The following TMEM183A variants were observed in gnomAD, a reference collection of about 807,000 sequenced individuals.
TMEM183A encodes transmembrane protein 183A.
In TMEM183A, 21 loss-of-function variants were observed where a neutral mutation model predicts 46.7. The observed-to-expected ratio is 0.45, with a 90% CI of 0.32 to 0.65. The LOEUF (loss-of-function observed/expected upper bound fraction) is 0.65. TMEM183A is among the 30% of genes least tolerant of loss of function. TMEM183A has a pLI of 0.04. For synonymous variants in TMEM183A, 165 were observed against 180.2 expected (o/e 0.92, Z 0.68); for missense variants, 331 against 481.9 (o/e 0.69, Z 2.93).
At chr1:203,009,709 C>G (rs1656363757) in intron 3 of TMEM183A, among the ~76,000 whole-genome samples, 1 of 152,090 alleles carries the variant, frequency 6.6e-6, no homozygotes, top group African/African-American at 2.4e-5. Flanking sequence ...GATTTGAGCT[C>G]CTGGGCTCAA....
rs56743654 is a variant in TMEM183A at position 203,012,235 on chromosome 1, TCACACACA to T, written c.368-2618_368-2611del. Among the ~76,000 whole-genome samples the T allele has an allele frequency of 3.8e-3, 308 of 80,824 alleles. 3 individuals are homozygous for T. The highest frequency in any genetic ancestry group is 0.03 in the South Asian group (61 of 2,024). The allele number at this position is 80,824 out of a possible 152,430, so 53.0% of individuals were successfully genotyped here. On this transcript the variant is annotated intron_variant, in intron 3 of 7. Transcript: ENST00000367242. ...ACTTCAACCATTACTCCCCACTCCA[TCACACACA>T]CACACACACACACACACACACACAC...
intron 3 of TMEM183A, among the ~76,000 whole-genome samples, chr1:203,009,175 T>G (rs1656304340): frequency 6.6e-6 from 1 of 152,258 alleles, no homozygotes. Flanking sequence ...GAAGCAGAGA[T>G]GTAACCAAAA....
chr1:203,016,279 C>A, intron 5 of TMEM183A, 139 bp downstream of exon 5: 1 of 1,233,856 alleles, frequency 8.1e-7, no homozygotes, highest in Non-Finnish European at 1.1e-6. Flanking sequence ...CTTCAGGGCT[C>A]AGAGATTTCA....
chr1:203,007,618 C>T (rs1296420309), intron 1 of TMEM183A, 44 bp downstream of exon 1: 3 of 1,528,232 alleles, frequency 2.0e-6, no homozygotes, highest in Admixed American at 3.9e-5. Context: ...TGGGGGCTGG[C>T]GGCTGGGAGG....
chr1:203,015,156 A>G (rs927593763), intron 4 of TMEM183A, 108 bp downstream of exon 4: 9 of 1,476,772 alleles, frequency 6.1e-6, no homozygotes, highest in Non-Finnish European at 8.2e-6. Context: ...TCTCTACTCC[A>G]TGTCTGGGCA....
chr1:203,007,398 T>C lies in TMEM183A; in HGVS notation c.-68T>C. On this transcript the variant is annotated 5_prime_UTR_variant, in exon 1 of 8. Transcript: ENST00000367242. ...TCTCGCGAGAGTTAGCGGCCTCCGG[T>C]GTGGGATGGCCGCGGAGCCGGGCGG... The C allele has an allele frequency of 7.6e-7, 1 of 1,316,502 alleles. No individual in the cohort carries two copies. The highest frequency in any genetic ancestry group is 3.0e-5 in the East Asian group (1 of 32,864). The allele number at this position is 1,316,502 out of a possible 1,614,324, so 81.6% of individuals were successfully genotyped here. A position where few individuals can be genotyped will look rare whatever the true frequency, so the allele number is the denominator to read the frequency against.
chr1:203,007,735 G>A (rs200957964), intron 1 of TMEM183A, 39 bp from the exon 2 acceptor site: 1,183 of 1,609,812 alleles, frequency 7.3e-4, no homozygotes, highest in Non-Finnish European at 9.1e-4. Context: ...ACGCTGACGA[G>A]AGAAGGCCTC....
chr1:203,014,071 G>T (rs770257564), intron 3 of TMEM183A, among the ~76,000 whole-genome samples: 1 of 152,170 alleles, frequency 6.6e-6, no homozygotes, highest in Non-Finnish European at 1.5e-5. Flanking sequence ...CCATCTTAAA[G>T]TCAATTTTGT....
At position 203,015,797 on chromosome 1, in the gene TMEM183A, G is replaced by T. The variant is rs1199296119; in HGVS notation, c.528-163G>T. On this transcript the variant is annotated intron_variant, in intron 4 of 7. Coordinates refer to ENST00000367242, the MANE Select transcript of TMEM183A (RefSeq NM_138391.6). ...GAGAACTGCCGGATTACAAGGCAAAGACGTAAAAGTCGCCAAGAGGTCAAG... is the reference window on the plus strand; with the variant it reads ...GAGAACTGCCGGATTACAAGGCAAATACGTAAAAGTCGCCAAGAGGTCAAG... 3.5e-5 allele frequency: 28 copies of T among 809,984 alleles called. 1 individual carries two copies. In the South Asian group the frequency reaches 5.1e-4, roughly 15 times the overall value. 50.2% of individuals were successfully genotyped at this position (809,984 alleles called of 1,614,324 possible).
chr1:203,010,695 C>T (rs1656490716), intron 3 of TMEM183A, among the ~76,000 whole-genome samples: 1 of 152,176 alleles, frequency 6.6e-6, no homozygotes, highest in African/African-American at 2.4e-5. Flanking sequence ...ATGGCTTTGA[C>T]TTAAAACAAA....
rs1571630980 is a variant in TMEM183A at position 203,024,256 on chromosome 1, C to T, written c.*1216C>T. The T allele has an allele frequency of 6.6e-6, 1 of 152,192 alleles. No homozygotes were observed. Among genetic ancestry groups the T allele is most frequent in the Admixed American group, 6.5e-5 (1 of 15,278 alleles). 9.4% of individuals were successfully genotyped at this position (152,192 alleles called of 1,614,324 possible). A position where few individuals can be genotyped will look rare whatever the true frequency, so the allele number is the denominator to read the frequency against. On this transcript the variant is annotated 3_prime_UTR_variant, in exon 8 of 8. Transcript: ENST00000367242. ...CCGTCCATGCAGAAATGCTTATGTC[C>T]TCCTGTTGTTTAGATGACTCCTATT...
chr1:203,007,835 A>G lies in TMEM183A; in HGVS notation c.171A>G (p.Lys57=). ...PAVVRSGRVK[K]AVANAVQQEV... ...TCGTGAGGTCTGGACGAGTCAAGAAAGCCGTAGCCAACGCTGTTCAGCAGG... is the reference window on the plus strand; with the variant it reads ...TCGTGAGGTCTGGACGAGTCAAGAAGGCCGTAGCCAACGCTGTTCAGCAGG... The change falls in exon 2 of 8, where the codon AAA becomes AAG. Residue 57 remains lysine (K), a synonymous_variant. Transcript: ENST00000367242. 1.2e-6 allele frequency: 2 copies of G among 1,614,070 alleles called. No homozygotes were observed. Among genetic ancestry groups the G allele is most frequent in the South Asian group, 2.2e-5 (2 of 91,082 alleles).
At chr1:203,011,611 AT>A (rs1427816545) in intron 3 of TMEM183A, among the ~76,000 whole-genome samples, 3 of 151,992 alleles carry the variant, frequency 2.0e-5, no homozygotes, top group Non-Finnish European at 4.4e-5. Flanking sequence ...ATTTCTCCAT[AT>A]TGGTCAGGCT....
intron 1 of TMEM183A, 52 bp downstream of exon 1, chr1:203,007,626 A>C: frequency 6.5e-7 from 1 of 1,528,066 alleles, no homozygotes. Flanking sequence ...GGCGGCTGGG[A>C]GGGGGCTGGA....
At chr1:203,020,650 C>T in intron 6 of TMEM183A, 143 bp from the exon 7 acceptor site, 1 of 1,027,434 alleles carries the variant, frequency 9.7e-7, no homozygotes. Flanking sequence ...TTTCTTTGAT[C>T]TCTGTATAGA....
chr1:203,015,276 C>CT, intron 4 of TMEM183A: 1 of 590,394 alleles, frequency 1.7e-6, no homozygotes. Flanking sequence ...CCAGTATCCA[C>CT]TTTCAGCAAA....
At chr1:203,016,531 C>T (rs1162369353) in intron 5 of TMEM183A, among the ~76,000 whole-genome samples, 1 of 152,130 alleles carries the variant, frequency 6.6e-6, no homozygotes, top group Non-Finnish European at 1.5e-5. Flanking sequence ...ATGAACATCT[C>T]ACTATTTTTC....
At chr1:203,020,699 A>G in intron 6 of TMEM183A, 94 bp from the exon 7 acceptor site, 1 of 1,477,574 alleles carries the variant, frequency 6.8e-7, no homozygotes. Context: ...GTATCTCACT[A>G]GCTTTAGTTG....
Position 203,018,487 on chromosome 1 carries a change from C to G in TMEM183A, c.715C>G (p.Leu239Val), listed in dbSNP as rs199660046. The G allele has an allele frequency of 6.2e-7, 1 of 1,610,584 alleles. No individual in the cohort carries two copies. Among genetic ancestry groups the G allele is most frequent in the Non-Finnish European group, 8.5e-7 (1 of 1,179,372 alleles). The change falls in exon 6 of 8, where the codon CTT becomes GTT. Residue 239 changes from leucine to valine, a missense_variant. Transcript: ENST00000367242. ...TATTTTTACTTTCTTATAGTGCTTA[C>G]TTTTCTGGTGCAGAAAGATTGTTGG... ...PSTLKNSKCL[L>V]FWCRKIVGNR...
Sources: gnomAD v4.1 joint callset for allele counts (sites outside exome capture counted in the v4.1 genomes callset) on GRCh38, gnomAD v4.1.1 for gene constraint, MANE v1.5 for transcripts, NCBI Gene and HGNC (gene_info 2026-07-23, HGNC 2026-07-21) for gene names.